The following PRRX1 variants were observed in gnomAD, a reference collection of about 807,000 sequenced individuals.
PRRX1 encodes paired mesoderm homeobox protein 1.
A neutral mutation model predicts 24.0 loss-of-function variants in PRRX1; 8 were observed. The ratio of observed to expected loss-of-function variants is 0.33; its 90% CI spans 0.20 to 0.60. The LOEUF is 0.60. PRRX1 is among the 20% of genes least tolerant of loss of function. PRRX1 has a pLI of 0.82. For synonymous variants in PRRX1, 160 were observed against 131.7 expected, an observed-to-expected ratio of 1.22 and a Z score of -1.47; for missense variants, 281 against 322.4, an observed-to-expected ratio of 0.87 and a Z score of 0.98.
chr1:170,737,797 A>T lies in PRRX1; in HGVS notation c.*1611A>T, dbSNP rs1375138615. ...GTTTACCCATTTGTAAAATGGGATTAATAATACTTACCTACCTCACAGGGG... is the reference window on the plus strand; with the variant it reads ...GTTTACCCATTTGTAAAATGGGATTTATAATACTTACCTACCTCACAGGGG... On this transcript the variant is annotated 3_prime_UTR_variant, in exon 4 of 4. Coordinates refer to ENST00000239461, the MANE Select transcript of PRRX1 (RefSeq NM_022716.4). 9.2e-6 allele frequency: 2 copies of T among 218,428 alleles called. No homozygotes were observed. Among genetic ancestry groups the T allele is most frequent in the Non-Finnish European group, 1.8e-5 (2 of 108,342 alleles). The allele number at this position is 218,428 out of a possible 1,614,324, so 13.5% of individuals were successfully genotyped here.
intron 1 of PRRX1, among the ~76,000 whole-genome samples, chr1:170,714,910 C>T (rs1654859854): frequency 1.3e-5 from 2 of 152,124 alleles, no homozygotes; most frequent in South Asian, 4.1e-4. Context: ...GTCTTCTTTT[C>T]TCAAGAAGTT....
intron 1 of PRRX1, among the ~76,000 whole-genome samples, chr1:170,709,224 T>C (rs1338038173): frequency 6.6e-6 from 1 of 152,164 alleles, no homozygotes; most frequent in East Asian, 1.9e-4. Context: ...TCACAGAAGG[T>C]TCCTACAAAG....
chr1:170,663,773 G>C (rs2101878298), upstream of PRRX1: 1 of 159,592 alleles, frequency 6.3e-6, no homozygotes, highest in Non-Finnish European at 1.4e-5. Flanking sequence ...CTCTTCTTCT[G>C]TTTGCCTAAC....
At chr1:170,729,112 A>T (rs902336466) in intron 3 of PRRX1, 1 of 152,230 alleles carries the variant, frequency 6.6e-6, no homozygotes, top group Non-Finnish European at 1.5e-5. Context: ...GAGAATTAGA[A>T]CTAATGCTTG....
Position 170,706,709 on chromosome 1 carries a change from A to T in PRRX1, c.242-13017A>T, listed in dbSNP as rs555037777. ...TGATTAATTAGAGACAAGTTTTGATATAAAAAATGGGTTCTCTCAGGTCAA... is the reference window on the plus strand; with the variant it reads ...TGATTAATTAGAGACAAGTTTTGATTTAAAAAATGGGTTCTCTCAGGTCAA... On this transcript the variant is annotated intron_variant, in intron 1 of 3. Transcript: ENST00000239461. 8.5e-5 allele frequency among the ~76,000 whole-genome samples: 13 copies of T among 152,344 alleles called. No individual in the cohort carries two copies. In the East Asian group the frequency reaches 2.5e-3, roughly 29 times the overall value.
In PRRX1 at chr1:170,664,437, C is replaced by T; in HGVS notation, c.219C>T (p.Gly73=). ...TGGAGTCGCCGGGACTCACCAGCGG[C>T]AGCGACACCCCGCAGCAGGACAGTG... The part of the protein sequence containing the change: ...SLLESPGLTS[G]SDTPQQDNDQ... Residue 73 remains glycine (G), a synonymous_variant, in exon 1 of 4, where the codon GGC becomes GGT. Coordinates refer to ENST00000239461, the MANE Select transcript of PRRX1 (RefSeq NM_022716.4). 1 of 1,606,240 alleles carries T rather than the reference C, an allele frequency of 6.2e-7. No individual in the cohort carries two copies.
intron 1 of PRRX1, chr1:170,668,447 C>A (rs1317457764): frequency 6.6e-6 from 1 of 152,236 alleles, no homozygotes; most frequent in Admixed American, 6.5e-5. Context: ...CAATTAGACA[C>A]GCGCGCACAC....
intron 1 of PRRX1, among the ~76,000 whole-genome samples, chr1:170,665,670 GA>G (rs1330119866): frequency 2.0e-5 from 3 of 152,202 alleles, no homozygotes; most frequent in Non-Finnish European, 4.4e-5. Flanking sequence ...ACTGCACATA[GA>G]AACAATTGGA....
chr1:170,723,932 G>A (rs956813178), intron 2 of PRRX1, among the ~76,000 whole-genome samples: 6 of 121,124 alleles, frequency 5.0e-5, no homozygotes, highest in Admixed American at 9.8e-5. Flanking sequence ...GACCACTGTC[G>A]TATATGAGGT....
chr1:170,684,261 C>T (rs1293309365), intron 1 of PRRX1, among the ~76,000 whole-genome samples: 3 of 152,192 alleles, frequency 2.0e-5, no homozygotes, highest in African/African-American at 7.2e-5. Context: ...ATGCCTATTT[C>T]TCAGGCTTGT....
At chr1:170,674,844 G>A (rs1463633540) in intron 1 of PRRX1, among the ~76,000 whole-genome samples, 1 of 151,938 alleles carries the variant, frequency 6.6e-6, no homozygotes, top group African/African-American at 2.4e-5. Context: ...AATTGAAACG[G>A]GACTATCAAG....
chr1:170,680,597 G>A (rs761039237), intron 1 of PRRX1, among the ~76,000 whole-genome samples: 51 of 152,088 alleles, frequency 3.4e-4, no homozygotes, highest in Admixed American at 1.4e-3. Flanking sequence ...CATACTCAGG[G>A]GAACTATGTG....
At chr1:170,711,053 T>C (rs1654729562) in intron 1 of PRRX1, among the ~76,000 whole-genome samples, 1 of 152,238 alleles carries the variant, frequency 6.6e-6, no homozygotes, top group Admixed American at 6.5e-5. Context: ...CTTCGACTTT[T>C]CTTATTTTTT....
At chr1:170,692,498 G>A (rs1156887813) in intron 1 of PRRX1, among the ~76,000 whole-genome samples, 1 of 147,986 alleles carries the variant, frequency 6.8e-6, no homozygotes, top group Non-Finnish European at 1.5e-5. Context: ...ATTGTTGTGT[G>A]TATTTGATGA....
At chr1:170,701,418 C>G (rs1221090849) in intron 1 of PRRX1, among the ~76,000 whole-genome samples, 1 of 152,138 alleles carries the variant, frequency 6.6e-6, no homozygotes, top group Non-Finnish European at 1.5e-5. Context: ...TGTGATTTGT[C>G]ATTGCAACTT....
chr1:170,666,417 C>CA (rs35075394), intron 1 of PRRX1, among the ~76,000 whole-genome samples: 4,259 of 75,648 alleles, frequency 0.056, 449 homozygotes, highest in African/African-American at 0.15. Flanking sequence ...GACTCCGTCT[C>CA]AAAAAAAAAA....
At chr1:170,677,096 A>G (rs1187268998) in intron 1 of PRRX1, among the ~76,000 whole-genome samples, 1 of 152,234 alleles carries the variant, frequency 6.6e-6, no homozygotes, top group East Asian at 1.9e-4. Flanking sequence ...TGTTGGATTT[A>G]CAGCAAGGTC....
chr1:170,664,088 C>CTCTCTCTCT (rs1652821788), upstream of PRRX1: 14 of 665,662 alleles, frequency 2.1e-5, no homozygotes, highest in African/African-American at 2.2e-4. Context: ...CCTCTTCCTC[C>CTCTCTCTCT]CTCTCTCTCT....
At chr1:170,704,656 T>C (rs1654499710) in intron 1 of PRRX1, among the ~76,000 whole-genome samples, 1 of 152,236 alleles carries the variant, frequency 6.6e-6, no homozygotes, top group Non-Finnish European at 1.5e-5. Context: ...CCACAAATGA[T>C]GATCTTGGAG....
Sources: gnomAD v4.1 joint callset for allele counts (sites outside exome capture counted in the v4.1 genomes callset) on GRCh38, gnomAD v4.1.1 for gene constraint, MANE v1.5 for transcripts, NCBI Gene and HGNC (gene_info 2026-07-23, HGNC 2026-07-21) for gene names.